The following CDH13 variants were observed in gnomAD, a reference collection of about 807,000 sequenced individuals.
CDH13 encodes the protein cadherin 13.
In CDH13, 24 loss-of-function variants were observed where a neutral mutation model predicts 63.8. That is an observed-to-expected ratio of 0.38 (90% confidence interval 0.27 to 0.53). CDH13 has a LOEUF of 0.53. Among genes scored for constraint, CDH13 ranks in the 20% least tolerant of loss-of-function variants. CDH13 has a pLI of 0.85. For synonymous variants in CDH13, 503 were observed against 355.3 expected, an observed-to-expected ratio of 1.42 and a Z score of -4.67; for missense variants, 1,049 against 903.1, an observed-to-expected ratio of 1.16 and a Z score of -2.07.
chr16:82,652,393 C>T (rs999372542), intron 1 of CDH13, among the ~76,000 whole-genome samples: 4 of 152,194 alleles, frequency 2.6e-5, no homozygotes, highest in South Asian at 4.1e-4. Flanking sequence ...TAAGGAACGA[C>T]CTCTCGTTAT....
intron 7 of CDH13, among the ~76,000 whole-genome samples, chr16:83,545,969 C>T (rs2075379460): frequency 6.6e-6 from 1 of 152,116 alleles, no homozygotes; most frequent in Non-Finnish European, 1.5e-5. Context: ...AAGCATAGAG[C>T]CATTGTTCTA....
intron 2 of CDH13, among the ~76,000 whole-genome samples, chr16:82,922,001 T>C (rs1255469470): frequency 6.6e-6 from 1 of 152,218 alleles, no homozygotes; most frequent in Non-Finnish European, 1.5e-5. Context: ...GTAATTTGTG[T>C]CATTCTAGAA....
chr16:82,871,158 G>C (rs2040330906), intron 2 of CDH13, among the ~76,000 whole-genome samples: 1 of 152,192 alleles, frequency 6.6e-6, no homozygotes, highest in African/African-American at 2.4e-5. Flanking sequence ...AGTGCTAAGG[G>C]GTGAGAGGAC....
rs752384827 is a variant in CDH13 at position 83,486,502 on chromosome 16, C to A, written c.807C>A (p.Ala269=). 1.2e-6 allele frequency: 2 copies of A among 1,613,742 alleles called. No individual in the cohort carries two copies. Among genetic ancestry groups the A allele is most frequent in the Admixed American group, 1.7e-5 (1 of 60,026 alleles). ...GCACCACAGTGATGCGGATGACAGC[C>A]TTTGATGCAGATGACCCAGCCACCG... The part of the protein sequence containing the change: ...PTGTTVMRMT[A]FDADDPATDN... The change falls in exon 7 of 14, where the codon GCC becomes GCA. Residue 269 remains alanine, a synonymous_variant. Transcript: ENST00000567109.
In CDH13 at chr16:82,653,297, C is replaced by A. The variant is rs572451339; in HGVS notation, c.45+26160C>A. On this transcript the variant is annotated intron_variant, in intron 1 of 13. Transcript: ENST00000567109. ...GAAAACATTGAGCTGAATACTTGGG[C>A]TTTTGCACCTTTTTGTAGTGCCTTA... is the stretch of plus-strand genomic sequence containing the variant. 2.3e-3 allele frequency among the ~76,000 whole-genome samples: 346 copies of A among 152,196 alleles called. 4 individuals are homozygous for A. The highest frequency in any genetic ancestry group is 7.9e-3 in the African/African-American group (329 of 41,506).
chr16:83,163,440 C>T (rs532658406), intron 4 of CDH13, among the ~76,000 whole-genome samples: 19 of 152,138 alleles, frequency 1.2e-4, no homozygotes, highest in Admixed American at 3.3e-4. Context: ...GTGAACCGCC[C>T]GCTAACCTCC....
At position 83,495,479 on chromosome 16, in the gene CDH13, C is replaced by T. The variant is rs1282758970; in HGVS notation, c.960+8824C>T. ...CAGAGAGACTAGATGGTAAATGTTT[C>T]TTGTCAGACTTTAAAAGGTATCAGA... On this transcript the variant is annotated intron_variant, in intron 7 of 13. Transcript: ENST00000567109. Among the ~76,000 whole-genome samples the T allele has an allele frequency of 2.0e-5, 3 of 152,144 alleles. No homozygotes were observed. The South Asian group carries it at 6.2e-4, about 32-fold the overall frequency.
At chr16:82,771,301 A>ATACAGAGC (rs1287933436) in intron 1 of CDH13, among the ~76,000 whole-genome samples, 1 of 152,232 alleles carries the variant, frequency 6.6e-6, no homozygotes, top group Non-Finnish European at 1.5e-5. Context: ...TGTCAATTAT[A>ATACAGAGC]TACAGAGCAC....
chr16:83,482,268 A>G (rs896884074), intron 6 of CDH13, among the ~76,000 whole-genome samples: 2 of 152,230 alleles, frequency 1.3e-5, no homozygotes, highest in African/African-American at 4.8e-5. Context: ...CACTGGGCTT[A>G]CAAAATGAAC....
At chr16:83,035,764 C>G (rs533809247) in intron 3 of CDH13, among the ~76,000 whole-genome samples, 3 of 152,142 alleles carry the variant, frequency 2.0e-5, no homozygotes, top group African/African-American at 4.8e-5. Context: ...ATTGCTTTAC[C>G]TCCTGAGCCT....
chr16:83,016,880 C>G (rs1031128005), intron 2 of CDH13, among the ~76,000 whole-genome samples: 1 of 152,094 alleles, frequency 6.6e-6, no homozygotes, highest in African/African-American at 2.4e-5. Context: ...TTATGAAAAC[C>G]AAAATTGACA....
At chr16:83,068,483 A>G (rs1392236607) in intron 3 of CDH13, among the ~76,000 whole-genome samples, 1 of 152,166 alleles carries the variant, frequency 6.6e-6, no homozygotes, top group African/African-American at 2.4e-5. Context: ...TGAGCAAGCC[A>G]ATAAGGTAAG....
chr16:82,926,918 A>G lies in CDH13; in HGVS notation c.157+68445A>G, dbSNP rs139009658. On this transcript the variant is annotated intron_variant, in intron 2 of 13. Coordinates refer to ENST00000567109, the MANE Select transcript of CDH13 (RefSeq NM_001257.5). ...ATCATAAACTTACCATCTTAAAGCA[A>G]TAACAATCATTTGTTTTACTCACAA... Among the ~76,000 whole-genome samples, 49 of 152,332 alleles carry G rather than the reference A, an allele frequency of 3.2e-4. 1 individual carries two copies. Among genetic ancestry groups the G allele is most frequent in the African/African-American group, 1.1e-3 (46 of 41,564 alleles).
chr16:82,708,322 C>CCA (rs1277319142), intron 1 of CDH13, among the ~76,000 whole-genome samples: 1 of 152,024 alleles, frequency 6.6e-6, no homozygotes, highest in Non-Finnish European at 1.5e-5. Context: ...TTTAGTGGAC[C>CCA]CACAGGGAGT....
chr16:83,523,600 G>T (rs1203841946), intron 7 of CDH13, among the ~76,000 whole-genome samples: 3 of 152,178 alleles, frequency 2.0e-5, no homozygotes, highest in Non-Finnish European at 2.9e-5. Flanking sequence ...CCATTCCTGA[G>T]TTGGATCTAC....
intron 5 of CDH13, among the ~76,000 whole-genome samples, chr16:83,233,855 C>T (rs1423383589): frequency 6.6e-6 from 1 of 152,152 alleles, no homozygotes; most frequent in Non-Finnish European, 1.5e-5. Flanking sequence ...AGGAGGTGGG[C>T]ATCTCTGGGG....
intron 2 of CDH13, among the ~76,000 whole-genome samples, chr16:83,020,750 T>C (rs1447938588): frequency 6.6e-6 from 1 of 152,198 alleles, no homozygotes; most frequent in African/African-American, 2.4e-5. Flanking sequence ...GAAGTAGTCC[T>C]CCTCAGAGGC....
chr16:83,215,318 A>G (rs929432742), intron 4 of CDH13, among the ~76,000 whole-genome samples: 3 of 151,766 alleles, frequency 2.0e-5, no homozygotes, highest in African/African-American at 4.8e-5. Context: ...ACCTCAAGTG[A>G]TCCGCCCACC....
rs149761743 is a variant in CDH13, at chr16:83,248,830, C to G, written c.636+31333C>G. On this transcript the variant is annotated intron_variant, in intron 5 of 13. Transcript: ENST00000567109. Reference sequence around the variant, plus strand: ...GAAATTGCCTGTCTACCACAGAACTCTCCCCTGGAATTTAGTGTAGGCAAT... The same window carrying G: ...GAAATTGCCTGTCTACCACAGAACTGTCCCCTGGAATTTAGTGTAGGCAAT... Among the ~76,000 whole-genome samples, 134 of 152,332 alleles carry G rather than the reference C, an allele frequency of 8.8e-4. 1 individual carries two copies. The highest frequency in any genetic ancestry group is 2.8e-3 in the African/African-American group (118 of 41,584).
Sources: gnomAD v4.1 joint callset for allele counts (sites outside exome capture counted in the v4.1 genomes callset) on GRCh38, gnomAD v4.1.1 for gene constraint, MANE v1.5 for transcripts, NCBI Gene and HGNC (gene_info 2026-07-23, HGNC 2026-07-21) for gene names.